The following NTRK3 variants were observed in gnomAD, a reference collection of about 807,000 sequenced individuals.
NTRK3 encodes neurotrophic receptor tyrosine kinase 3.
Under a neutral mutation model 91.7 loss-of-function variants are expected in NTRK3, and 24 were observed. The ratio of observed to expected loss-of-function variants is 0.26; its 90% CI spans 0.19 to 0.37. The LOEUF (loss-of-function observed/expected upper bound fraction) is 0.37, where lower values mean the gene tolerates loss of function less well. NTRK3 is among the 10% of genes least tolerant of loss of function. NTRK3 has a pLI of 1.00. For synonymous variants in NTRK3, 483 were observed against 404.0 expected (o/e 1.20, Z -2.34); for missense variants, 880 against 1,068.9 (o/e 0.82, Z 2.46).
At chr15:88,123,801 G>T (rs1350304011) in intron 13 of NTRK3, among the ~76,000 whole-genome samples, 4 of 152,210 alleles carry the variant, frequency 2.6e-5, no homozygotes, top group Non-Finnish European at 4.4e-5. Context: ...TCAATAGGAA[G>T]GTTCAATAAG....
chr15:88,151,984 C>T (rs1350206165), intron 5 of NTRK3, among the ~76,000 whole-genome samples: 1 of 152,160 alleles, frequency 6.6e-6, no homozygotes, highest in African/African-American at 2.4e-5. Context: ...TACTGAATTT[C>T]ATTCCTTCAA....
intron 7 of NTRK3, 27 bp downstream of exon 7, chr15:88,137,377 A>T: frequency 2.5e-6 from 4 of 1,612,094 alleles, no homozygotes; most frequent in Non-Finnish European, 3.4e-6. Flanking sequence ...CCCTGGAGCC[A>T]GCTGGGCCAG....
At chr15:88,011,979 C>T (rs972290885) in intron 14 of NTRK3, among the ~76,000 whole-genome samples, 5 of 152,176 alleles carry the variant, frequency 3.3e-5, no homozygotes, top group African/African-American at 1.2e-4. Flanking sequence ...CCCAGTGAGG[C>T]AGATCCTCCC....
chr15:88,136,128 A>C, intron 8 of NTRK3, 88 bp from the exon 9 acceptor site: 1 of 1,522,450 alleles, frequency 6.6e-7, no homozygotes, highest in Non-Finnish European at 9.1e-7. Context: ...TAGGAATCAA[A>C]AGGAAAGCTG....
At chr15:87,953,770 C>A in intron 14 of NTRK3, among the ~76,000 whole-genome samples, 1 of 152,138 alleles carries the variant, frequency 6.6e-6, no homozygotes, top group Non-Finnish European at 1.5e-5. Context: ...GCCTGGCGGA[C>A]ATTTCCTCTC....
intron 14 of NTRK3, among the ~76,000 whole-genome samples, chr15:87,945,642 C>T (rs2070390017): frequency 6.6e-6 from 1 of 152,158 alleles, no homozygotes; most frequent in African/African-American, 2.4e-5. Flanking sequence ...GATACACTGA[C>T]ATCGCTGGAC....
chr15:87,940,221 A>T (rs1300924206), intron 15 of NTRK3, among the ~76,000 whole-genome samples: 1 of 151,864 alleles, frequency 6.6e-6, no homozygotes, highest in Non-Finnish European at 1.5e-5. Context: ...CTCCTTAATC[A>T]GCCTGCTCTA....
At chr15:87,976,982 T>TCC (rs2073779096) in intron 14 of NTRK3, among the ~76,000 whole-genome samples, 2 of 120,628 alleles carry the variant, frequency 1.7e-5, no homozygotes, top group Non-Finnish European at 3.6e-5. Context: ...GAGCCTTGGC[T>TCC]GCTCAGACAA....
At chr15:87,987,419 A>G (rs182681463) in intron 14 of NTRK3, among the ~76,000 whole-genome samples, 48 of 152,186 alleles carry the variant, frequency 3.2e-4, no homozygotes, top group African/African-American at 1.1e-3. Context: ...GGGTTTCCCC[A>G]ATTAAGGAAC....
At chr15:87,864,767 T>A in exon 19 of NTRK3, 1 of 229,610 alleles carries the variant, frequency 4.4e-6, no homozygotes, top group Non-Finnish European at 8.6e-6. Flanking sequence ...AAGGAAGATA[T>A]GCCTCAAAAC....
At chr15:87,920,646 G>A (rs114184335) in intron 17 of NTRK3, among the ~76,000 whole-genome samples, 374 of 152,292 alleles carry the variant, frequency 2.5e-3, no homozygotes, top group African/African-American at 8.8e-3. Flanking sequence ...GTAAGAATCT[G>A]GAGTTATAAT....
chr15:88,177,592 A>G (rs9972516), intron 5 of NTRK3, among the ~76,000 whole-genome samples: 87 of 152,366 alleles, frequency 5.7e-4, no homozygotes, highest in African/African-American at 1.9e-3. Context: ...AACAAGAAGC[A>G]TTGAGGAAGA....
chr15:87,996,955 TACA>T (rs1253342460), intron 14 of NTRK3, among the ~76,000 whole-genome samples: 1 of 152,240 alleles, frequency 6.6e-6, no homozygotes, highest in Non-Finnish European at 1.5e-5. Context: ...AGGCAGGAGA[TACA>T]ACAACACATT....
intron 13 of NTRK3, among the ~76,000 whole-genome samples, chr15:88,080,662 A>C (rs1355507945): frequency 2.0e-5 from 3 of 152,204 alleles, no homozygotes; most frequent in African/African-American, 7.2e-5. Context: ...GCTAAACCCC[A>C]CAGTGACGTG....
intron 5 of NTRK3, among the ~76,000 whole-genome samples, chr15:88,175,445 T>C (rs889313684): frequency 6.6e-4 from 100 of 152,224 alleles, no homozygotes; most frequent in Non-Finnish European, 2.6e-4. Context: ...ACTTAAAATG[T>C]ACAATTCAAA....
At chr15:87,886,164 T>C (rs1180746142) in intron 17 of NTRK3, among the ~76,000 whole-genome samples, 1 of 152,074 alleles carries the variant, frequency 6.6e-6, no homozygotes, top group East Asian at 1.9e-4. Flanking sequence ...AAATTGTTGC[T>C]ATCTTGTGTT....
chr15:88,060,579 C>A (rs2046128291), intron 13 of NTRK3, among the ~76,000 whole-genome samples: 1 of 151,968 alleles, frequency 6.6e-6, no homozygotes. Context: ...GAGGCAGCCC[C>A]AAGCCAGGCC....
At chr15:88,114,358 A>C (rs1408687463) in intron 13 of NTRK3, among the ~76,000 whole-genome samples, 2 of 152,202 alleles carry the variant, frequency 1.3e-5, no homozygotes, top group African/African-American at 4.8e-5. Flanking sequence ...CTGACTTATA[A>C]TTCCATATGA....
Position 87,930,620 on chromosome 15 carries a change from C to T in NTRK3, c.1890-1186G>A, listed in dbSNP as rs116528647. Among the ~76,000 whole-genome samples the T allele has an allele frequency of 2.5e-3, 384 of 152,224 alleles. 2 individuals carry two copies. Among genetic ancestry groups the T allele is most frequent in the African/African-American group, 8.8e-3 (365 of 41,546 alleles). On this transcript the variant is annotated intron_variant, in intron 16 of 18. Coordinates refer to ENST00000394480, the Ensembl canonical transcript of NTRK3. The stretch of plus-strand genomic sequence containing the variant: ...CACCACCAATATGGAGATGTGAGAG[C>T]AGGCAGGGTTGGCCTGCGGGTTATG...
Sources: allele counts gnomAD v4.1 joint callset (sites outside exome capture counted in the v4.1 genomes callset), GRCh38; gene constraint gnomAD v4.1.1; transcripts MANE v1.5; gene names NCBI Gene and HGNC (gene_info 2026-07-23, HGNC 2026-07-21).